RPL28: variants seen among roughly 807,000 people sequenced by gnomAD.
The protein encoded by RPL28 is large ribosomal subunit protein eL28.
A neutral mutation model predicts 12.5 loss-of-function variants in RPL28; 4 were observed. The ratio of observed to expected loss-of-function variants is 0.32; its 90% CI spans 0.16 to 0.73. RPL28 has a LOEUF of 0.73. RPL28 is among the 30% of genes least tolerant of loss of function. The probability of loss-of-function intolerance (pLI) is 0.66; values close to 1 mark genes in which losing one functional copy is unlikely to be tolerated. For missense variants in RPL28, 214 were observed against 197.7 expected (o/e 1.08, Z -0.49); for synonymous variants, 91 against 72.5 (o/e 1.26, Z -1.30).
Position 55,386,699 on chromosome 19 carries a change from T to C in RPL28, c.205+6T>C, listed in dbSNP as rs1469215579. The stretch of plus-strand genomic sequence containing the variant: ...GGTCATTAAGCGGAGATCCGGTGAG[T>C]TTTGTCTGGTTTGGGCCAGAGAGCG... On this transcript the variant is annotated splice_donor_region_variant and intron_variant, in intron 3 of 4. Transcript: ENST00000344063. 5.0e-6 allele frequency: 8 copies of C among 1,613,474 alleles called. No homozygotes were observed. The highest frequency in any genetic ancestry group is 6.8e-6 in the Non-Finnish European group (8 of 1,179,760).
chr19:55,391,666 A>G lies in RPL28; in HGVS notation c.*3334A>G, dbSNP rs749902738. On this transcript the variant is annotated 3_prime_UTR_variant, in exon 5 of 5. Transcript: ENST00000344063. ...ACCCTCATCTGTAACATGCGTGTCG[A>G]TAGACCCTACTACTCAGGGTTGATG... 6 of 1,546,814 alleles carry G rather than the reference A, an allele frequency of 3.9e-6. 1 individual carries two copies. The South Asian group carries it at 7.1e-5, about 18-fold the overall frequency.
At chr19:55,386,955 C>T (rs1375274604) in intron 3 of RPL28, 1 of 1,456,906 alleles carries the variant, frequency 6.9e-7, no homozygotes. Context: ...AGAGTTAAGG[C>T]ACGGGGTTGA....
intron 3 of RPL28, 125 bp from the exon 4 acceptor site, chr19:55,387,805 G>A (rs528661607): frequency 2.0e-6 from 3 of 1,470,052 alleles, no homozygotes; most frequent in East Asian, 2.4e-5. Context: ...CTGCTGGCCT[G>A]CCCAGGCACC....
chr19:55,392,285 G>A (rs1160209575), downstream of RPL28, among the ~76,000 whole-genome samples: 2 of 152,158 alleles, frequency 1.3e-5, no homozygotes, highest in Non-Finnish European at 2.9e-5. Flanking sequence ...GGGTTGGAGT[G>A]CAGTGGCGCA....
Position 55,388,478 on chromosome 19 carries a change from T to G in RPL28, c.*146T>G. ...AAAACTCTGCATGTCACCTTGTCCA[T>G]CTGGAGGTGATGTCAATGGCTGGCC... On this transcript the variant is annotated 3_prime_UTR_variant, in exon 5 of 5. Transcript: ENST00000344063. The G allele has an allele frequency of 2.3e-6, 3 of 1,331,556 alleles. No individual in the cohort carries two copies. Among genetic ancestry groups the G allele is most frequent in the Non-Finnish European group, 2.9e-6 (3 of 1,035,878 alleles). The allele number at this position is 1,331,556 out of a possible 1,614,324, so 82.5% of individuals were successfully genotyped here. A position where few individuals can be genotyped will look rare whatever the true frequency, so the allele number is the denominator to read the frequency against.
At chr19:55,386,527 C>A (rs776484742) in intron 2 of RPL28, 43 bp from the exon 3 acceptor site, 2 of 1,598,958 alleles carry the variant, frequency 1.3e-6, no homozygotes, top group Non-Finnish European at 1.7e-6. Context: ...TCGCATGTCT[C>A]CGGGTCCCTT....
downstream of RPL28, among the ~76,000 whole-genome samples, chr19:55,396,383 C>T (rs528540294): frequency 3.3e-5 from 5 of 151,262 alleles, no homozygotes; most frequent in South Asian, 8.4e-4. Context: ...AACCAATACC[C>T]AGGTCAGGAA....
intron 2 of RPL28, 41 bp from the exon 3 acceptor site, chr19:55,386,529 G>C (rs1266968682): frequency 1.3e-6 from 2 of 1,598,448 alleles, no homozygotes; most frequent in Non-Finnish European, 1.7e-6. Flanking sequence ...GCATGTCTCC[G>C]GGTCCCTTAT....
chr19:55,387,094 G>A, intron 3 of RPL28: 1 of 1,393,256 alleles, frequency 7.2e-7, no homozygotes, highest in Non-Finnish European at 9.6e-7. Flanking sequence ...AGGCTGGGTT[G>A]GTTGCAGCCA....
At position 55,391,444 on chromosome 19, in the gene RPL28, C is replaced by T. The variant is rs561630778; in HGVS notation, c.*3112C>T. On this transcript the variant is annotated 3_prime_UTR_variant, in exon 5 of 5. Coordinates refer to ENST00000344063, the MANE Select transcript of RPL28 (RefSeq NM_000991.5). ...GTCCAGTAGCTGCATGGTGAGTGAG[C>T]GTAGGGCGCACCCTGGAAGGCTGCC... The T allele has an allele frequency of 3.9e-4, 523 of 1,346,402 alleles. No individual in the cohort carries two copies. Among genetic ancestry groups the T allele is most frequent in the Non-Finnish European group, 4.8e-4 (496 of 1,041,860 alleles). 83.4% of individuals were successfully genotyped at this position (1,346,402 alleles called of 1,614,324 possible).
At chr19:55,399,106 G>T (rs1388245711) in intron 4 of RPL28, among the ~76,000 whole-genome samples, 2 of 152,134 alleles carry the variant, frequency 1.3e-5, no homozygotes, top group East Asian at 3.9e-4. Flanking sequence ...TCACACTTCC[G>T]CCTCCGAAGA....
Position 55,387,993 on chromosome 19 carries a change from T to C in RPL28, c.269T>C (p.Leu90Pro), listed in dbSNP as rs1399507714. ...ATCAACAAGAATGCTCGCGCCACGC[T>C]CAGCAGCATCAGACACATGATCCGC... Reference protein sequence around the residue: ...TTINKNARATLSSIRHMIRKN... With the variant: ...TTINKNARATPSSIRHMIRKN... Residue 90 changes from leucine to proline, a missense_variant, in exon 4 of 5, where the codon CTC becomes CCC. Transcript: ENST00000344063. The C allele has an allele frequency of 2.5e-6, 4 of 1,612,164 alleles. No individual in the cohort carries two copies. Among genetic ancestry groups the C allele is most frequent in the Non-Finnish European group, 3.4e-6 (4 of 1,179,374 alleles).
chr19:55,388,413 G>GAGCTCT lies in RPL28; in HGVS notation c.*82_*87dup. On this transcript the variant is annotated 3_prime_UTR_variant, in exon 5 of 5. Transcript: ENST00000344063. ...GCCTCCCTTTTTGAAACGCTCTGGG[G>GAGCTCT]AGCTCTGGCCCTGTGTGTTGTCATT... The GAGCTCT allele has an allele frequency of 7.1e-7, 1 of 1,415,656 alleles. No homozygotes were observed. Among genetic ancestry groups the GAGCTCT allele is most frequent in the Non-Finnish European group, 9.2e-7 (1 of 1,081,296 alleles). 87.7% of individuals were successfully genotyped at this position (1,415,656 alleles called of 1,614,324 possible). A position where few individuals can be genotyped will look rare whatever the true frequency, so the allele number is the denominator to read the frequency against.
At chr19:55,386,120 CCTCA>C (rs983105806) in intron 1 of RPL28, 155 bp downstream of exon 1, 15 of 550,578 alleles carry the variant, frequency 2.7e-5, no homozygotes, top group African/African-American at 2.5e-4. Flanking sequence ...GTTATTTTCC[CCTCA>C]CTCTCATTCG....
chr19:55,393,852 G>T (rs1457077537), downstream of RPL28, among the ~76,000 whole-genome samples: 3 of 151,880 alleles, frequency 2.0e-5, no homozygotes, highest in African/African-American at 7.2e-5. Context: ...GTGTCACCAT[G>T]TTGGCCAGGC....
chr19:55,398,088 C>T (rs1018350511), intron 4 of RPL28, among the ~76,000 whole-genome samples: 1 of 151,994 alleles, frequency 6.6e-6, no homozygotes, highest in African/African-American at 2.4e-5. Context: ...CCCAGCTACT[C>T]GGGAGTCTGA....
Position 55,388,550 on chromosome 19 carries a change from GTCA to G in RPL28, c.*219_*221del. 1 of 1,262,600 alleles carries G rather than the reference GTCA, an allele frequency of 7.9e-7. No individual in the cohort carries two copies. Among genetic ancestry groups the G allele is most frequent in the Non-Finnish European group, 1.0e-6 (1 of 1,003,548 alleles). The allele number at this position is 1,262,600 out of a possible 1,614,324, so 78.2% of individuals were successfully genotyped here. A position where few individuals can be genotyped will look rare whatever the true frequency, so the allele number is the denominator to read the frequency against. On this transcript the variant is annotated 3_prime_UTR_variant, in exon 5 of 5. Transcript: ENST00000344063. ...TGCCTTGTCCCTGGTGAGGGCAAGG[GTCA>G]CTGTCTTCACAGAAAAAGTTTGCTG...
intron 3 of RPL28, chr19:55,387,683 AGT>A (rs2089946214): frequency 7.2e-7 from 1 of 1,394,282 alleles, no homozygotes; most frequent in South Asian, 1.7e-5. Flanking sequence ...ATGAGAAAGG[AGT>A]GTTTTCATGG....
rs768134440 is a variant in RPL28 at position 55,386,330 on chromosome 19, C to T, written c.-8-20C>T. On this transcript the variant is annotated intron_variant, in intron 1 of 4. Coordinates refer to ENST00000344063, the MANE Select transcript of RPL28 (RefSeq NM_000991.5). The stretch of plus-strand genomic sequence containing the variant: ...TAGTTCTCTGTGTCTGACGCTTTCC[C>T]TGTGCCCGTTTCCCCGCAGCCGCCG... 19 of 1,610,842 alleles carry T rather than the reference C, an allele frequency of 1.2e-5. No individual in the cohort carries two copies. Among genetic ancestry groups the T allele is most frequent in the Admixed American group, 1.7e-5 (1 of 59,848 alleles).
Sources: allele counts gnomAD v4.1 joint callset (sites outside exome capture counted in the v4.1 genomes callset), GRCh38; gene constraint gnomAD v4.1.1; transcripts MANE v1.5; gene names NCBI Gene and HGNC (gene_info 2026-07-23, HGNC 2026-07-21).